Variants in KAT8 observed in about 807,000 individuals in gnomAD.
KAT8 encodes the protein histone acetyltransferase KAT8.
Under a neutral mutation model 62.9 loss-of-function variants are expected in KAT8, and 40 were observed. The ratio of observed to expected loss-of-function variants is 0.64; its 90% CI spans 0.49 to 0.83. The LOEUF (loss-of-function observed/expected upper bound fraction) is 0.83. Ranked by LOEUF, KAT8 falls within the 40% of genes least tolerant of loss-of-function variation. KAT8 has a pLI of 0.00. For synonymous variants in KAT8, 278 were observed against 254.5 expected (o/e 1.09, Z -0.88); for missense variants, 387 against 614.8 (o/e 0.63, Z 3.92).
chr16:31,130,692 G>T, intron 9 of KAT8, 54 bp from the exon 10 acceptor site: 1 of 1,611,774 alleles, frequency 6.2e-7, no homozygotes, highest in Non-Finnish European at 8.5e-7. Context: ...CACCATCCTG[G>T]CCAGATCCCA....
Position 31,131,267 on chromosome 16 carries a change from G to A in KAT8, c.*8G>A, listed in dbSNP as rs1046977926. 4 of 1,614,046 alleles carry A rather than the reference G, an allele frequency of 2.5e-6. 1 individual carries two copies. Among genetic ancestry groups the A allele is most frequent in the South Asian group, 2.2e-5 (2 of 91,078 alleles). ...AAGCTCTCCAAGAAGTGAGCAGCCT[G>A]GCCCCTGCTGTCGGACCTGAGCCTC... On this transcript the variant is annotated 3_prime_UTR_variant, in exon 11 of 11. Transcript: ENST00000219797.
intron 6 of KAT8, among the ~76,000 whole-genome samples, chr16:31,128,660 G>A (rs1373782049): frequency 6.6e-6 from 1 of 152,206 alleles, no homozygotes; most frequent in Non-Finnish European, 1.5e-5. Context: ...GGTGGGGTTA[G>A]GTTCAAACTT....
chr16:31,129,854 C>T (rs1270323701), intron 6 of KAT8, among the ~76,000 whole-genome samples, 163 bp from the exon 7 acceptor site: 1 of 152,236 alleles, frequency 6.6e-6, no homozygotes, highest in Non-Finnish European at 1.5e-5. Context: ...CTCTCATTTC[C>T]AGTTCCCTGT....
At chr16:31,130,680 G>A (rs2057570744) in intron 9 of KAT8, 66 bp from the exon 10 acceptor site, 9 of 1,610,458 alleles carry the variant, frequency 5.6e-6, no homozygotes, top group Non-Finnish European at 7.6e-6. Context: ...CTCATACCCT[G>A]TCACCATCCT....
chr16:31,130,095 G>A lies in KAT8; in HGVS notation c.850G>A (p.Val284Ile), dbSNP rs753352348. Residue 284 changes from valine (V) to isoleucine (I), a missense_variant, in exon 7 of 11, where the codon GTC (valine) becomes ATC (isoleucine). Transcript: ENST00000219797. ...ACTGTACTTTGACGTGGAGCCGTTC[G>A]TCTTTTACATCCTGACTGAGGTGGA... ...KTLYFDVEPFVFYILTEVDRQ... is the reference protein window; with the variant it reads ...KTLYFDVEPFIFYILTEVDRQ... 28 of 1,576,012 alleles carry A rather than the reference G, an allele frequency of 1.8e-5. No homozygotes were observed. Among genetic ancestry groups the A allele is most frequent in the South Asian group, 1.6e-4 (14 of 90,322 alleles).
chr16:31,123,408 G>A (rs529886692), intron 3 of KAT8, among the ~76,000 whole-genome samples: 177 of 151,884 alleles, frequency 1.2e-3, no homozygotes, highest in Middle Eastern at 6.8e-3. Context: ...GTAGAGATAG[G>A]GTTTCACTAT....
intron 1 of KAT8, chr16:31,118,646 A>G (rs965879689): frequency 2.6e-5 from 4 of 151,866 alleles, no homozygotes; most frequent in African/African-American, 7.3e-5. Context: ...TTGTAACATT[A>G]TGTTGTAATT....
At chr16:31,127,163 G>A (rs1422852792) in intron 4 of KAT8, 26 bp from the exon 5 acceptor site, 1 of 1,614,220 alleles carries the variant, frequency 6.2e-7, no homozygotes, top group Non-Finnish European at 8.5e-7. Flanking sequence ...GCCGTGCACT[G>A]TGCCTCACTC....
Position 31,120,700 on chromosome 16 carries a change from G to A in KAT8, c.462+186G>A, listed in dbSNP as rs542742458. 5 of 577,738 alleles carry A rather than the reference G, an allele frequency of 8.7e-6. No individual in the cohort carries two copies. The Admixed American group carries it at 1.3e-4, about 15-fold the overall frequency. The allele number at this position is 577,738 out of a possible 1,614,324, so 35.8% of individuals were successfully genotyped here. A position where few individuals can be genotyped will look rare whatever the true frequency, so the allele number is the denominator to read the frequency against. ...GGTAAGAAAACAGACAGAGGGTAAGGGCTTCGCTGCAGTCTCACAGCAAGG... is the reference window on the plus strand; with the variant it reads ...GGTAAGAAAACAGACAGAGGGTAAGAGCTTCGCTGCAGTCTCACAGCAAGG... On this transcript the variant is annotated intron_variant, in intron 3 of 10. Coordinates refer to ENST00000219797, the MANE Select transcript of KAT8 (RefSeq NM_032188.3).
Position 31,130,873 on chromosome 16 carries a change from GC to G in KAT8, c.1288del (p.Gln430SerfsTer39), listed in dbSNP as rs1457908978. On this transcript the variant is annotated frameshift_variant, in exon 10 of 11. Coordinates refer to ENST00000219797, the MANE Select transcript of KAT8 (RefSeq NM_032188.3). LOFTEE classifies it high-confidence loss of function. ...GCTGGTGGAGGAGCACCTCAAAAGT[GC>G]CCAGTATAAGAAACCACCCATCACA... ...PKLVEEHLKS[A>X]QYKKPPITVD... The G allele has an allele frequency of 1.2e-6, 2 of 1,611,776 alleles. No individual in the cohort carries two copies. Among genetic ancestry groups the G allele is most frequent in the Non-Finnish European group, 1.7e-6 (2 of 1,179,814 alleles).
chr16:31,118,514 T>G (rs2057468149), intron 1 of KAT8: 1 of 152,334 alleles, frequency 6.6e-6, no homozygotes, highest in South Asian at 2.1e-4. Flanking sequence ...CCTGCCTAGC[T>G]CCTACTCATC....
At chr16:31,121,352 C>T (rs2057492038) in intron 3 of KAT8, among the ~76,000 whole-genome samples, 1 of 151,988 alleles carries the variant, frequency 6.6e-6, no homozygotes, top group Non-Finnish European at 1.5e-5. Flanking sequence ...AACTCCTGAC[C>T]TCAGGTGATC....
chr16:31,120,305 G>T, intron 2 of KAT8, 34 bp from the exon 3 acceptor site: 2 of 1,614,102 alleles, frequency 1.2e-6, no homozygotes, highest in South Asian at 2.2e-5. Context: ...GGAGTTGGCT[G>T]CCCTGGCAGC....
At chr16:31,126,962 G>C (rs1353136625) in intron 3 of KAT8, 73 bp from the exon 4 acceptor site, 1 of 1,530,310 alleles carries the variant, frequency 6.5e-7, no homozygotes, top group East Asian at 2.3e-5. Flanking sequence ...GGGAAGCCTT[G>C]TGGGTCCTGA....
At chr16:31,127,376 G>A (rs759977885) in intron 5 of KAT8, 23 bp downstream of exon 5, 25 of 1,612,546 alleles carry the variant, frequency 1.6e-5, no homozygotes, top group South Asian at 3.3e-5. Context: ...CGGCCGGGCC[G>A]AGCTGGGCAG....
intron 1 of KAT8, among the ~76,000 whole-genome samples, chr16:31,119,276 A>G (rs909572322): frequency 3.3e-5 from 5 of 151,468 alleles, no homozygotes; most frequent in African/African-American, 1.2e-4. Context: ...CAACCTCCTG[A>G]GTAGCTGGGA....
intron 3 of KAT8, among the ~76,000 whole-genome samples, chr16:31,123,257 A>G (rs1205211532): frequency 1.3e-5 from 2 of 152,096 alleles, no homozygotes; most frequent in Non-Finnish European, 2.9e-5. Context: ...CACTCTGTTA[A>G]CCAGGCTGGA....
In KAT8 at chr16:31,130,448, G is replaced by A. The variant is rs764667801; in HGVS notation, c.1007-8G>A. On this transcript the variant is annotated splice_polypyrimidine_tract_variant and splice_region_variant and intron_variant, in intron 8 of 10. Coordinates refer to ENST00000219797, the MANE Select transcript of KAT8 (RefSeq NM_032188.3). Reference sequence around the variant, plus strand: ...TGGATCCTAAGTTCCTCTTTCTACTGCTGCCAGGTTATGAGCTCTCCAAGC... The same window carrying A: ...TGGATCCTAAGTTCCTCTTTCTACTACTGCCAGGTTATGAGCTCTCCAAGC... 2 of 1,614,134 alleles carry A rather than the reference G, an allele frequency of 1.2e-6. No homozygotes were observed. The highest frequency in any genetic ancestry group is 1.7e-6 in the Non-Finnish European group (2 of 1,179,974).
At chr16:31,117,932 A>C in intron 1 of KAT8, 40 bp downstream of exon 1, 2 of 572,570 alleles carry the variant, frequency 3.5e-6, no homozygotes, top group South Asian at 4.7e-5. Context: ...GGCGGAGCTC[A>C]GGGCCAGGGG....
Sources: allele counts gnomAD v4.1 joint callset (sites outside exome capture counted in the v4.1 genomes callset), GRCh38; gene constraint gnomAD v4.1.1; transcripts MANE v1.5; gene names NCBI Gene and HGNC (gene_info 2026-07-23, HGNC 2026-07-21).